The following ADGRG1 variants were observed in gnomAD, a reference collection of about 807,000 sequenced individuals.
ADGRG1 encodes adhesion G protein-coupled receptor G1.
ADGRG1 carries 53 observed loss-of-function variants against 73.5 expected under a neutral mutation model. The observed-to-expected ratio is 0.72, with a 90% CI of 0.58 to 0.91. The LOEUF (loss-of-function observed/expected upper bound fraction) is 0.91. ADGRG1 is among the 40% of genes least tolerant of loss of function. The pLI is 0.00. For synonymous variants in ADGRG1, 394 were observed against 374.4 expected (o/e 1.05, Z -0.60); for missense variants, 795 against 871.8 (o/e 0.91, Z 1.11).
At chr16:57,635,744 C>G in intron 1 of ADGRG1, 1 of 985,356 alleles carries the variant, frequency 1.0e-6, no homozygotes, top group Non-Finnish European at 1.2e-6. Flanking sequence ...CATGTCGTTG[C>G]CAGGGCATGC....
Position 57,660,875 on chromosome 16 carries a change from A to C in ADGRG1, c.1663A>C (p.Met555Leu). ...TCCAGAGGGCGTCATCTACCCTTCC[A>C]TGTGAGTGGCTGTGTGCAATGGGGG... Reference protein sequence around the residue: ...RTPEGVIYPSMCWIRDSLVSY... With the variant: ...RTPEGVIYPSLCWIRDSLVSY... The change falls in exon 12 of 14, where the codon ATG becomes CTG. Residue 555 changes from methionine to leucine, a missense_variant and splice_region_variant. Met to Leu is a conservative substitution (Grantham distance 15). Transcript: ENST00000562631. The C allele has an allele frequency of 1.3e-6, 2 of 1,539,670 alleles. No individual in the cohort carries two copies. The highest frequency in any genetic ancestry group is 1.8e-6 in the Non-Finnish European group (2 of 1,112,320).
intron 11 of ADGRG1, 106 bp from the exon 12 acceptor site, chr16:57,660,662 G>A: frequency 6.6e-7 from 1 of 1,523,266 alleles, no homozygotes; most frequent in Non-Finnish European, 8.9e-7. Flanking sequence ...GGCTTCAGGA[G>A]CCCAAACTTC....
intron 1 of ADGRG1, chr16:57,646,613 C>A: frequency 1.0e-6 from 1 of 985,220 alleles, no homozygotes; most frequent in Non-Finnish European, 1.2e-6. Context: ...ATTCTCCTCT[C>A]CTTCCCTTTG....
intron 1 of ADGRG1, chr16:57,630,631 G>A (rs1449053714): frequency 6.4e-5 from 36 of 561,722 alleles, no homozygotes; most frequent in Non-Finnish European, 7.9e-5. Flanking sequence ...TCAGCCTGGT[G>A]TGACACTTCC....
intron 1 of ADGRG1, chr16:57,641,301 G>T (rs1275417160): frequency 2.0e-6 from 2 of 985,224 alleles, no homozygotes; most frequent in Non-Finnish European, 2.4e-6. Context: ...CCCTGGGCAG[G>T]TACTGACTGG....
intron 1 of ADGRG1, among the ~76,000 whole-genome samples, chr16:57,644,678 T>A (rs1387010640): frequency 9.8e-6 from 1 of 102,050 alleles, no homozygotes; most frequent in African/African-American, 4.0e-5. Context: ...CCTCACACAC[T>A]CATGCACAAG....
intron 1 of ADGRG1, chr16:57,645,259 T>C: frequency 1.0e-6 from 1 of 985,404 alleles, no homozygotes; most frequent in African/African-American, 1.7e-5. Context: ...CCTCTGCCTC[T>C]CCCAGCGAGG....
At chr16:57,645,668 C>T (rs1254153161) in intron 1 of ADGRG1, among the ~76,000 whole-genome samples, 1 of 152,164 alleles carries the variant, frequency 6.6e-6, no homozygotes, top group African/African-American at 2.4e-5. Flanking sequence ...TGTCCATCAA[C>T]GGGATGCTTG....
intron 1 of ADGRG1, chr16:57,636,554 A>G (rs1192313802): frequency 2.0e-6 from 2 of 984,828 alleles, no homozygotes; most frequent in South Asian, 9.4e-5. Context: ...AACCCTCTCC[A>G]TCCCCTATCC....
chr16:57,631,016 G>C, intron 1 of ADGRG1: 1 of 986,190 alleles, frequency 1.0e-6, no homozygotes, highest in Non-Finnish European at 1.2e-6. Flanking sequence ...GTGCTGTGTG[G>C]GGCTGGGGGC....
intron 5 of ADGRG1, chr16:57,655,191 A>G (rs897645364): frequency 2.0e-6 from 2 of 985,316 alleles, no homozygotes; most frequent in Non-Finnish European, 2.4e-6. Flanking sequence ...GGAGTCCTGG[A>G]TTCTAACCAC....
At chr16:57,622,459 T>C (rs565419606) in intron 2 of ADGRG1, among the ~76,000 whole-genome samples, 1 of 152,214 alleles carries the variant, frequency 6.6e-6, no homozygotes, top group African/African-American at 2.4e-5. Context: ...GGGCTGTGCT[T>C]CTGGCTCCAA....
chr16:57,628,909 T>TGTGA lies in ADGRG1; in HGVS notation c.-36+110_-36+111insAGTG, dbSNP rs1567667720. The TGTGA allele has an allele frequency of 8.2e-6, 7 of 856,716 alleles. No homozygotes were observed. The African/African-American group carries it at 1.0e-4, about 12-fold the overall frequency. 53.1% of individuals were successfully genotyped at this position (856,716 alleles called of 1,614,324 possible). A position where few individuals can be genotyped will look rare whatever the true frequency, so the allele number is the denominator to read the frequency against. ...GAGAGTGTGAGTGTGTGAGTGTGAG[T>TGTGA]GTGTGAGAGTGAGTGTGAGTGTGAG... On this transcript the variant is annotated intron_variant, in intron 1 of 13. Coordinates refer to ENST00000562631, the MANE Select transcript of ADGRG1 (RefSeq NM_201525.4).
At chr16:57,627,664 C>A, upstream of ADGRG1, 2 of 370,418 alleles carry the variant, frequency 5.4e-6, no homozygotes, top group Non-Finnish European at 3.7e-6. Flanking sequence ...ATTGTCACCA[C>A]TCACCCTTCT....
At chr16:57,636,029 A>G (rs2039270618) in intron 1 of ADGRG1, 1 of 985,152 alleles carries the variant, frequency 1.0e-6, no homozygotes, top group South Asian at 4.7e-5. Flanking sequence ...AGCCTGCTAG[A>G]TCGCAGGACC....
chr16:57,631,248 GC>G, intron 1 of ADGRG1: 1 of 986,394 alleles, frequency 1.0e-6, no homozygotes, highest in East Asian at 1.1e-4. Context: ...TCCTGGCAAG[GC>G]CCAGCATGAC....
At chr16:57,635,781 G>A in intron 1 of ADGRG1, 1 of 985,410 alleles carries the variant, frequency 1.0e-6, no homozygotes, top group Middle Eastern at 5.2e-4. Context: ...CCCAGGGAAA[G>A]GAGTGCACCA....
rs563257912 is a variant in ADGRG1, at chr16:57,639,346, C to T, written c.-36+10544C>T. 37 of 985,440 alleles carry T rather than the reference C, an allele frequency of 3.8e-5. No homozygotes were observed. In the East Asian group the frequency reaches 4.5e-4, roughly 12 times the overall value. 61.0% of individuals were successfully genotyped at this position (985,440 alleles called of 1,614,324 possible). Reference sequence around the variant, plus strand: ...CCACGTTGCTTTGCTGGGTCTGAGCCGGGGTGTGACGTAGTCCCTGCAGCT... The same window carrying T: ...CCACGTTGCTTTGCTGGGTCTGAGCTGGGGTGTGACGTAGTCCCTGCAGCT... On this transcript the variant is annotated intron_variant, in intron 1 of 13. Coordinates refer to ENST00000562631, the MANE Select transcript of ADGRG1 (RefSeq NM_201525.4).
Position 57,653,913 on chromosome 16 carries a change from G to A in ADGRG1, c.621-73G>A, listed in dbSNP as rs200491200. The A allele has an allele frequency of 7.8e-5, 125 of 1,607,614 alleles. No homozygotes were observed. The East Asian group carries it at 8.9e-4, about 11-fold the overall frequency. On this transcript the variant is annotated intron_variant, in intron 4 of 13. Coordinates refer to ENST00000562631, the MANE Select transcript of ADGRG1 (RefSeq NM_201525.4). ...CCCTGTGTCTCTGTCTGAGTCTCTC[G>A]TCCTCCTGCCTCAGTCTCCCTGGTG... is the stretch of plus-strand genomic sequence containing the variant.
Sources: allele counts gnomAD v4.1 joint callset (sites outside exome capture counted in the v4.1 genomes callset), GRCh38; gene constraint gnomAD v4.1.1; transcripts MANE v1.5; gene names NCBI Gene and HGNC (gene_info 2026-07-23, HGNC 2026-07-21).